TENM3: variants seen among roughly 807,000 people sequenced by gnomAD.
TENM3 encodes the protein teneurin transmembrane protein 3.
TENM3 carries 63 observed loss-of-function variants against 255.1 expected under a neutral mutation model. The ratio of observed to expected loss-of-function variants is 0.25; its 90% confidence interval spans 0.20 to 0.30. TENM3 has a LOEUF of 0.30. TENM3 is among the 10% of genes least tolerant of loss of function. TENM3 has a pLI of 1.00. For synonymous variants in TENM3, 1,306 were observed against 1,322.3 expected, an observed-to-expected ratio of 0.99 and a Z score of 0.27; for missense variants, 2,929 against 3,461.1, an observed-to-expected ratio of 0.85 and a Z score of 3.86.
At chr4:182,198,511 A>AC (rs1753970293) in intron 1 of TENM3, among the ~76,000 whole-genome samples, 1 of 152,240 alleles carries the variant, frequency 6.6e-6, no homozygotes, top group Non-Finnish European at 1.5e-5. Context: ...ATTGGGGTGA[A>AC]CTGTGCAGCT....
chr4:182,198,036 C>T (rs1431259500), intron 1 of TENM3, among the ~76,000 whole-genome samples: 16 of 152,042 alleles, frequency 1.1e-4, no homozygotes, highest in African/African-American at 3.9e-4. Flanking sequence ...ACCTGGGAGG[C>T]GGAGCTTGCA....
chr4:182,135,341 T>C, the TENM3 span, among the ~76,000 whole-genome samples: 8 of 151,750 alleles, frequency 5.3e-5, no homozygotes, highest in African/African-American at 1.9e-4. Flanking sequence ...AGAGTAGTGG[T>C]GTTTCTGGTG....
chr4:181,447,952 T>C, the TENM3 span, among the ~76,000 whole-genome samples: 1 of 152,014 alleles, frequency 6.6e-6, no homozygotes, highest in Non-Finnish European at 1.5e-5. Context: ...CTTCTGTAAA[T>C]CAATTACATC....
chr4:182,793,845 C>T lies in TENM3; in HGVS notation c.7173C>T (p.Asn2391=), dbSNP rs796310299. 3.1e-6 allele frequency: 5 copies of T among 1,612,132 alleles called. No individual in the cohort carries two copies. In the African/African-American group the frequency reaches 5.3e-5, roughly 17 times the overall value. ...ACTTGTACATGTTTAGGAATAACAA[C>T]CCTGCAAGCAAAATCCATGACGTGA... is the stretch of plus-strand genomic sequence containing the variant. ...PFNLYMFRNN[N]PASKIHDVKD... is the part of the protein sequence containing the mutation. The change falls in exon 26 of 28, where the codon AAC becomes AAT. Residue 2391 remains asparagine, a synonymous_variant. Coordinates refer to ENST00000511685, the MANE Select transcript of TENM3 (RefSeq NM_001080477.4). The surrounding 1 kb of genome is among the most constrained non-coding windows in gnomAD (Gnocchi z 5.7).
At chr4:181,766,855 C>T in the TENM3 span, among the ~76,000 whole-genome samples, 1 of 151,818 alleles carries the variant, frequency 6.6e-6, no homozygotes, top group African/African-American at 2.4e-5. Context: ...CAAAACACCA[C>T]CACAAAGCAG....
At chr4:182,159,447 AGTGTGTGTGTGTGTGTGTGTGTGT>A (rs67981646) in intron 1 of TENM3, among the ~76,000 whole-genome samples, 1 of 130,722 alleles carries the variant, frequency 7.6e-6, no homozygotes, top group Non-Finnish European at 1.6e-5. Flanking sequence ...AGTGTGTATG[AGTGTGTGTGTGTGTGTGTGTGTGT>A]GTGTGTGTGT....
intron 3 of TENM3, among the ~76,000 whole-genome samples, chr4:182,595,349 G>A (rs550285344): frequency 5.9e-5 from 9 of 152,076 alleles, no homozygotes; most frequent in African/African-American, 2.4e-5. Context: ...CCAATAGCTC[G>A]TAGCATTTTC....
intron 1 of TENM3, among the ~76,000 whole-genome samples, chr4:182,319,701 A>G (rs942538944): frequency 6.6e-6 from 1 of 152,244 alleles, no homozygotes; most frequent in Non-Finnish European, 1.5e-5. Context: ...TATTACCACA[A>G]AGTTGCATCT....
At chr4:182,349,531 T>G (rs1765039069) in intron 3 of TENM3, among the ~76,000 whole-genome samples, 1 of 152,112 alleles carries the variant, frequency 6.6e-6, no homozygotes, top group Admixed American at 6.6e-5. Flanking sequence ...CACTGAGGAT[T>G]TTTTTCCTGA....
the TENM3 span, among the ~76,000 whole-genome samples, chr4:181,737,311 A>G: frequency 7.9e-5 from 12 of 152,282 alleles, no homozygotes; most frequent in Admixed American, 2.6e-4. Flanking sequence ...TTTTACCCCA[A>G]ATCCTAATGT....
chr4:182,436,888 G>C (rs776314205), intron 3 of TENM3, among the ~76,000 whole-genome samples: 1 of 151,996 alleles, frequency 6.6e-6, no homozygotes, highest in African/African-American at 2.4e-5. Flanking sequence ...CGTGGTGGTG[G>C]GCACCTGTTA....
chr4:182,572,002 A>G (rs1744429163), intron 3 of TENM3, among the ~76,000 whole-genome samples: 1 of 152,120 alleles, frequency 6.6e-6, no homozygotes, highest in Non-Finnish European at 1.5e-5. Context: ...CCTGGGTTCA[A>G]GCAATTCTCC....
intron 13 of TENM3, among the ~76,000 whole-genome samples, chr4:182,714,492 T>A (rs1368871520): frequency 6.6e-6 from 1 of 152,200 alleles, no homozygotes; most frequent in South Asian, 2.1e-4. Flanking sequence ...TGTTCTCCAT[T>A]CCTTTTCCTG....
chr4:181,544,445 C>A, the TENM3 span, among the ~76,000 whole-genome samples: 2 of 92,014 alleles, frequency 2.2e-5, no homozygotes, highest in African/African-American at 3.7e-5. Flanking sequence ...AACTATAACT[C>A]GTATGGAACC....
At chr4:182,055,024 T>C in the TENM3 span, among the ~76,000 whole-genome samples, 1 of 152,150 alleles carries the variant, frequency 6.6e-6, no homozygotes, top group East Asian at 1.9e-4. Context: ...TGGCTCCCAG[T>C]TGGAAGTAAC....
At chr4:181,808,224 TA>T in the TENM3 span, among the ~76,000 whole-genome samples, 1 of 152,182 alleles carries the variant, frequency 6.6e-6, no homozygotes, top group Non-Finnish European at 1.5e-5. Context: ...TGCAGCGAGG[TA>T]CCATAGCAAA....
intron 1 of TENM3, among the ~76,000 whole-genome samples, chr4:182,193,315 G>T (rs1753637532): frequency 6.6e-6 from 1 of 152,080 alleles, no homozygotes; most frequent in African/African-American, 2.4e-5. Context: ...CCTCTCCTTT[G>T]CCCGTTATAT....
chr4:182,783,706 A>G (rs1269306031), intron 24 of TENM3, among the ~76,000 whole-genome samples: 1 of 144,376 alleles, frequency 6.9e-6, no homozygotes, highest in Non-Finnish European at 1.5e-5. Flanking sequence ...TCAGACGTAG[A>G]TACGGTCTTT....
chr4:182,509,153 C>T (rs1389853659), intron 3 of TENM3, among the ~76,000 whole-genome samples: 1 of 152,032 alleles, frequency 6.6e-6, no homozygotes, highest in African/African-American at 2.4e-5. Flanking sequence ...CATGTAGGTC[C>T]GCATCCTGCA....
Sources: gnomAD v4.1 joint callset for allele counts (sites outside exome capture counted in the v4.1 genomes callset) on GRCh38, gnomAD v4.1.1 for gene constraint, Gnocchi (gnomAD v3.1) non-coding constraint, MANE v1.5 for transcripts, NCBI Gene and HGNC (gene_info 2026-07-23, HGNC 2026-07-21) for gene names.